Variants in GSN observed in about 807,000 individuals in gnomAD.
GSN encodes the protein actin-depolymerizing factor.
In GSN, 56 loss-of-function variants were observed where a neutral mutation model predicts 85.7. The observed-to-expected ratio is 0.65, with a 90% CI of 0.53 to 0.82. The LOEUF (loss-of-function observed/expected upper bound fraction) is 0.82, where lower values mean the gene tolerates loss of function less well. GSN is among the 40% of genes least tolerant of loss of function. The pLI, the probability that GSN is intolerant of heterozygous loss-of-function variation, is 0.00. For missense variants in GSN, 857 were observed against 979.8 expected, an observed-to-expected ratio of 0.87 and a Z score of 1.67; for synonymous variants, 373 against 399.1, an observed-to-expected ratio of 0.93 and a Z score of 0.78.
At chr9:121,330,105 T>C (rs2063724812) in intron 16 of GSN, among the ~76,000 whole-genome samples, 1 of 152,236 alleles carries the variant, frequency 6.6e-6, no homozygotes, top group South Asian at 2.1e-4. Flanking sequence ...TGTCATTGAT[T>C]GATCCATTGG....
intron 2 of GSN, chr9:121,282,396 G>A (rs1483793409): frequency 1.1e-6 from 1 of 948,312 alleles, no homozygotes; most frequent in Non-Finnish European, 1.4e-6. Context: ...AAGAACCCAG[G>A]AAAACACCCC....
rs566059363 is a variant in GSN, at chr9:121,329,998, C to T, written c.1965+683C>T. ...CTCAGAGTTACGGAGCAGCTGGCCA[C>T]GAAGGCATAAGACTCTACACTACCC... is the stretch of plus-strand genomic sequence containing the variant. On this transcript the variant is annotated intron_variant, in intron 16 of 17. Transcript: ENST00000432226. The surrounding 1 kb of genome is among the most constrained non-coding windows in gnomAD (Gnocchi z 4.6). Among the ~76,000 whole-genome samples the T allele has an allele frequency of 2.0e-5, 3 of 152,258 alleles. No homozygotes were observed. The highest frequency in any genetic ancestry group is 4.8e-5 in the African/African-American group (2 of 41,542).
intron 11 of GSN, among the ~76,000 whole-genome samples, 173 bp from the exon 12 acceptor site, chr9:121,324,381 A>G (rs999173174): frequency 2.0e-5 from 3 of 152,214 alleles, no homozygotes; most frequent in Admixed American, 2.0e-4. Flanking sequence ...CTAGGCTGAG[A>G]GTGGAAGTGT....
chr9:121,318,737 C>T lies in GSN; in HGVS notation c.1048C>T (p.Gln350Ter). 1.9e-6 allele frequency: 3 copies of T among 1,613,990 alleles called. No homozygotes were observed. The highest frequency in any genetic ancestry group is 2.5e-6 in the Non-Finnish European group (3 of 1,179,908). ...CTTCAAGAACTGGCGGGACCCAGAC[C>T]AGACAGATGGCCTGGGCTTGTCCTA... ...QFFKNWRDPD[Q>*]TDGLGLSYLS... The change falls in exon 10 of 18, where the codon CAG (glutamine) becomes TAG (stop). Residue 350 changes from glutamine (Q) to a stop codon, truncating the protein, a stop_gained. Coordinates refer to ENST00000432226, the MANE Select transcript of GSN (RefSeq NM_198252.3). LOFTEE classifies it high-confidence loss of function. The surrounding 1 kb of genome is among the most constrained non-coding windows in gnomAD (Gnocchi z 4.3).
chr9:121,206,847 G>A (rs1254513979), upstream of GSN, among the ~76,000 whole-genome samples: 7 of 152,092 alleles, frequency 4.6e-5, no homozygotes, highest in East Asian at 1.9e-4. Flanking sequence ...CCTCCCAGGC[G>A]CAGGCCACCC....
At chr9:121,220,741 T>C (rs2054154579) in intron 4 of GSN, among the ~76,000 whole-genome samples, 1 of 152,226 alleles carries the variant, frequency 6.6e-6, no homozygotes. Context: ...AATATGCCAG[T>C]AAAAGTTCTC....
At chr9:121,248,559 A>T (rs80140349) in intron 6 of GSN, among the ~76,000 whole-genome samples, 8,333 of 152,184 alleles carry the variant, frequency 0.055, 465 homozygotes, top group Admixed American at 0.14. Flanking sequence ...TTGAAAATAC[A>T]TGAGATCTGG....
chr9:121,241,474 T>C (rs1467315139), intron 5 of GSN, among the ~76,000 whole-genome samples: 1 of 152,226 alleles, frequency 6.6e-6, no homozygotes, highest in Non-Finnish European at 1.5e-5. Context: ...GGTTCTGTCA[T>C]TTAATGATCT....
intron 2 of GSN, 128 bp from the exon 3 acceptor site, chr9:121,301,835 C>G (rs1175655974): frequency 1.3e-6 from 2 of 1,485,586 alleles, no homozygotes; most frequent in African/African-American, 2.8e-5. Context: ...ATAGACTTCC[C>G]TGGGGCGTGG....
intron 4 of GSN, among the ~76,000 whole-genome samples, chr9:121,212,100 T>C (rs2132075605): frequency 6.6e-6 from 1 of 152,204 alleles, no homozygotes; most frequent in South Asian, 2.1e-4. Flanking sequence ...GAGTCCCTTA[T>C]ATGGGCCGAT....
chr9:121,286,572 C>A (rs539483746), intron 2 of GSN: 1 of 1,470,752 alleles, frequency 6.8e-7, no homozygotes, highest in African/African-American at 1.4e-5. Flanking sequence ...CTCTGTTGGG[C>A]CATGGGTGCT....
At chr9:121,214,271 CTT>C (rs893027388) in intron 4 of GSN, among the ~76,000 whole-genome samples, 7 of 151,034 alleles carry the variant, frequency 4.6e-5, no homozygotes, top group Non-Finnish European at 8.8e-5. Context: ...CTTTTTCTCT[CTT>C]TCTCTCCTCC....
At chr9:121,209,854 A>C (rs139292789) in intron 2 of GSN, among the ~76,000 whole-genome samples, 1 of 152,342 alleles carries the variant, frequency 6.6e-6, no homozygotes, top group African/African-American at 2.4e-5. Flanking sequence ...AGAAATCAGA[A>C]AGTTTTCTTT....
chr9:121,259,022 A>G (rs575910823), intron 6 of GSN, among the ~76,000 whole-genome samples: 6 of 152,382 alleles, frequency 3.9e-5, no homozygotes, highest in Non-Finnish European at 7.3e-5. Context: ...ATTCACTGAT[A>G]GAGCTAGAAA....
Position 121,299,299 on chromosome 9 carries a change from C to G in GSN, c.-9-2664C>G. 1 of 985,242 alleles carries G rather than the reference C, an allele frequency of 1.0e-6. No individual in the cohort carries two copies. Among genetic ancestry groups the G allele is most frequent in the South Asian group, 4.7e-5 (1 of 21,280 alleles). The allele number at this position is 985,242 out of a possible 1,614,324, so 61.0% of individuals were successfully genotyped here. A position where few individuals can be genotyped will look rare whatever the true frequency, so the allele number is the denominator to read the frequency against. On this transcript the variant is annotated intron_variant, in intron 2 of 17. Transcript: ENST00000432226. The surrounding 1 kb of genome is among the most constrained non-coding windows in gnomAD (Gnocchi z 4.2). Reference sequence around the variant, plus strand: ...AGCCGGGTCCCCTGCCCTGCTGCGGCGCATGCTGCCTGGTGGGGGTTCTGC... The same window carrying G: ...AGCCGGGTCCCCTGCCCTGCTGCGGGGCATGCTGCCTGGTGGGGGTTCTGC...
At chr9:121,291,459 C>G (rs1177622853) in intron 2 of GSN, among the ~76,000 whole-genome samples, 2 of 149,924 alleles carry the variant, frequency 1.3e-5, no homozygotes, top group African/African-American at 4.9e-5. Flanking sequence ...TGCTCTGTCA[C>G]CCAGGCTGGA....
At chr9:121,217,534 A>C (rs2054087945) in intron 4 of GSN, among the ~76,000 whole-genome samples, 1 of 151,802 alleles carries the variant, frequency 6.6e-6, no homozygotes, top group Non-Finnish European at 1.5e-5. Context: ...CTCCCAACCT[A>C]AACCCTCCAA....
rs1225106434 is a variant in GSN, at chr9:121,329,316, G to A, written c.1965+1G>A. On this transcript the variant is annotated splice_donor_variant, in intron 16 of 17. Coordinates refer to ENST00000432226, the MANE Select transcript of GSN (RefSeq NM_198252.3). LOFTEE classifies it high-confidence loss of function. This position sits in a 1 kb window ranked among gnomAD's most constrained non-coding sequence, Gnocchi z 4.6. Reference sequence around the variant, plus strand: ...CATGCTTCTGGACACCTGGGACCAGGTGGGTGAAGGACAGGTGAAGGCTCT... The same window carrying A: ...CATGCTTCTGGACACCTGGGACCAGATGGGTGAAGGACAGGTGAAGGCTCT... The A allele has an allele frequency of 6.4e-7, 1 of 1,571,710 alleles. No homozygotes were observed. Among genetic ancestry groups the A allele is most frequent in the Admixed American group, 1.7e-5 (1 of 59,968 alleles).
chr9:121,314,092 C>A, intron 7 of GSN, 69 bp downstream of exon 7: 7 of 1,185,020 alleles, frequency 5.9e-6, no homozygotes, highest in Non-Finnish European at 8.9e-6. Flanking sequence ...TTGGTCTTCC[C>A]CACTCCACTG....
Sources: gnomAD v4.1 joint callset for allele counts (sites outside exome capture counted in the v4.1 genomes callset) on GRCh38, gnomAD v4.1.1 for gene constraint, Gnocchi (gnomAD v3.1) non-coding constraint, MANE v1.5 for transcripts, NCBI Gene and HGNC (gene_info 2026-07-23, HGNC 2026-07-21) for gene names.